STAT5B: variants seen among roughly 807,000 people sequenced by gnomAD.
The protein encoded by STAT5B is signal transducer and activator of transcription 5B, also known as transcription factor STAT5B.
A neutral mutation model predicts 107.8 loss-of-function variants in STAT5B; 21 were observed. That is an observed-to-expected ratio of 0.19 (90% CI 0.14 to 0.28). The LOEUF is 0.28. Among genes scored for constraint, STAT5B ranks in the 10% least tolerant of loss-of-function variants. The probability of loss-of-function intolerance (pLI) is 1.00; values close to 1 mark genes in which losing one functional copy is unlikely to be tolerated. For synonymous variants in STAT5B, 325 were observed against 401.7 expected (o/e 0.81, Z 2.28); for missense variants, 565 against 1,008.2 (o/e 0.56, Z 5.95).
In STAT5B at chr17:42,218,370, G is replaced by C. The variant is rs1400508657; in HGVS notation, c.990-40C>G. On this transcript the variant is annotated intron_variant, in intron 8 of 18. Coordinates refer to ENST00000293328, the MANE Select transcript of STAT5B (RefSeq NM_012448.4). ...GGGACAGATGCATGATGAGGGGCTG[G>C]TGCAGGGGAAAGGGCTCTCAGTCCC... 11 of 1,602,232 alleles carry C rather than the reference G, an allele frequency of 6.9e-6. No individual in the cohort carries two copies. In the Admixed American group the frequency reaches 1.7e-4, roughly 24 times the overall value.
intron 2 of STAT5B, among the ~76,000 whole-genome samples, chr17:42,229,579 A>T (rs1464571607): frequency 6.6e-6 from 1 of 151,954 alleles, no homozygotes; most frequent in Non-Finnish European, 1.5e-5. Flanking sequence ...AAACATAAAG[A>T]ACTAAAGATT....
At chr17:42,251,234 G>A (rs1392426413) in intron 1 of STAT5B, among the ~76,000 whole-genome samples, 1 of 152,104 alleles carries the variant, frequency 6.6e-6, no homozygotes, top group Non-Finnish European at 1.5e-5. Flanking sequence ...TTGTAAAAGT[G>A]AGTGGGAGGA....
At chr17:42,256,574 A>C (rs943542018) in intron 1 of STAT5B, among the ~76,000 whole-genome samples, 11 of 150,456 alleles carry the variant, frequency 7.3e-5, no homozygotes, top group African/African-American at 2.8e-4. Context: ...GATAGACTAC[A>C]TTCGGCCAGG....
At chr17:42,202,489 C>T (rs762232182) in intron 17 of STAT5B, 42 bp from the exon 18 acceptor site, 66 of 1,609,084 alleles carry the variant, frequency 4.1e-5, no homozygotes, top group Non-Finnish European at 5.5e-5. Flanking sequence ...CCAGGGAGGC[C>T]AGGGCAGCTG....
chr17:42,259,590 C>A (rs1201825102), intron 1 of STAT5B, among the ~76,000 whole-genome samples: 1 of 151,932 alleles, frequency 6.6e-6, no homozygotes, highest in African/African-American at 2.4e-5. Context: ...AGTTTGAGAC[C>A]AGCCTGGCCA....
chr17:42,214,458 A>T, intron 12 of STAT5B: 1 of 985,440 alleles, frequency 1.0e-6, no homozygotes, highest in Non-Finnish European at 1.2e-6. Context: ...CTTTTTCTCT[A>T]AAGAGGAGTG....
intron 1 of STAT5B, among the ~76,000 whole-genome samples, chr17:42,250,936 A>T (rs1037386738): frequency 1.3e-5 from 2 of 151,810 alleles, no homozygotes; most frequent in Admixed American, 6.6e-5. Flanking sequence ...AAAAAAAAAA[A>T]AAAAAATCAT....
chr17:42,262,968 GTGTATATATATATATATATATATATATA>G (rs1428499214), intron 1 of STAT5B, among the ~76,000 whole-genome samples: 4 of 32,696 alleles, frequency 1.2e-4, no homozygotes, highest in African/African-American at 2.9e-4. Flanking sequence ...GTGTGTGTGT[GTGTATATATATATATATATATATATATA>G]TATATATATA....
chr17:42,265,374 C>CTTTTTTT (rs1275073687), intron 1 of STAT5B, among the ~76,000 whole-genome samples: 1 of 99,228 alleles, frequency 1.0e-5, no homozygotes, highest in African/African-American at 5.0e-5. Context: ...GGTATGTACT[C>CTTTTTTT]TTCTTTTTTT....
At chr17:42,221,941 GTA>G (rs2080229882) in intron 5 of STAT5B, among the ~76,000 whole-genome samples, 1 of 147,564 alleles carries the variant, frequency 6.8e-6, no homozygotes, top group South Asian at 2.2e-4. Context: ...TGTGTGGTGT[GTA>G]TGTGTGGTGT....
intron 10 of STAT5B, 41 bp from the exon 11 acceptor site, chr17:42,217,323 T>C (rs2080180620): frequency 1.9e-6 from 3 of 1,614,094 alleles, no homozygotes; most frequent in East Asian, 2.2e-5. Flanking sequence ...AGATATAAGT[T>C]GTTCCCCTCA....
chr17:42,242,996 A>G (rs537402666), intron 1 of STAT5B, among the ~76,000 whole-genome samples: 151 of 127,924 alleles, frequency 1.2e-3, no homozygotes, highest in African/African-American at 5.0e-3. Context: ...GCGGAAGGCC[A>G]CAGGGTCCCT....
At chr17:42,212,245 C>G in intron 12 of STAT5B, 55 bp from the exon 13 acceptor site, 1 of 1,612,004 alleles carries the variant, frequency 6.2e-7, no homozygotes, top group South Asian at 1.1e-5. Flanking sequence ...GATTTATTCC[C>G]TCAAGCCACA....
At chr17:42,215,304 C>A (rs917443518) in intron 12 of STAT5B, among the ~76,000 whole-genome samples, 1 of 152,108 alleles carries the variant, frequency 6.6e-6, no homozygotes, top group Non-Finnish European at 1.5e-5. Flanking sequence ...ACCTAGGAGT[C>A]CCAAATCCCA....
intron 1 of STAT5B, among the ~76,000 whole-genome samples, chr17:42,233,338 C>T (rs2080332391): frequency 6.6e-6 from 1 of 152,104 alleles, no homozygotes; most frequent in South Asian, 2.1e-4. Context: ...TGGAAAAATG[C>T]CCGAAGGTTC....
the STAT5B span, among the ~76,000 whole-genome samples, chr17:42,283,926 G>A: frequency 6.6e-6 from 1 of 152,084 alleles, no homozygotes; most frequent in Non-Finnish European, 1.5e-5. Context: ...TCCAAGCAGA[G>A]GCAAGGTGGG....
intron 1 of STAT5B, chr17:42,271,931 T>C (rs1267248142): frequency 6.6e-6 from 1 of 152,220 alleles, no homozygotes; most frequent in Admixed American, 6.5e-5. Flanking sequence ...ATACTGCTTT[T>C]AGTAATGGGA....
chr17:42,232,316 T>C (rs567671190), intron 1 of STAT5B, among the ~76,000 whole-genome samples, 179 bp from the exon 2 acceptor site: 17 of 152,318 alleles, frequency 1.1e-4, no homozygotes, highest in Admixed American at 4.6e-4. Context: ...TGGCACAATC[T>C]TGGCTCACTA....
In STAT5B at chr17:42,223,568, T is replaced by G; in HGVS notation, c.376-12A>C. On this transcript the variant is annotated splice_polypyrimidine_tract_variant and intron_variant, in intron 4 of 18. Coordinates refer to ENST00000293328, the MANE Select transcript of STAT5B (RefSeq NM_012448.4). Reference sequence around the variant, plus strand: ...GCTGGAGAGCTACCCTGGGAACATATGGGGGGCAGTGCAAGGCAGTGCGAA... The same window carrying G: ...GCTGGAGAGCTACCCTGGGAACATAGGGGGGGCAGTGCAAGGCAGTGCGAA... 6.2e-7 allele frequency: 1 copy of G among 1,613,946 alleles called. No homozygotes were observed. Among genetic ancestry groups the G allele is most frequent in the Non-Finnish European group, 8.5e-7 (1 of 1,179,962 alleles).
Sources: gnomAD v4.1 joint callset for allele counts (sites outside exome capture counted in the v4.1 genomes callset) on GRCh38, gnomAD v4.1.1 for gene constraint, MANE v1.5 for transcripts, NCBI Gene and HGNC (gene_info 2026-07-23, HGNC 2026-07-21) for gene names.